QTMAN: variants seen among roughly 807,000 people sequenced by gnomAD.
The protein encoded by QTMAN is tRNA-queuosine alpha-mannosyltransferase.
At chr2:144,107,198 G>C in the QTMAN span, among the ~76,000 whole-genome samples, 1 of 152,004 alleles carries the variant, frequency 6.6e-6, no homozygotes, top group African/African-American at 2.4e-5. Flanking sequence ...TTAAAATAAC[G>C]AGAGAAGCAA....
At chr2:144,058,236 T>C in the QTMAN span, among the ~76,000 whole-genome samples, 7 of 151,548 alleles carry the variant, frequency 4.6e-5, no homozygotes, top group African/African-American at 1.7e-4. Flanking sequence ...CTGTCCAATC[T>C]TTCCTTGAAC....
chr2:144,296,589 T>C, the QTMAN span, among the ~76,000 whole-genome samples: 1 of 152,156 alleles, frequency 6.6e-6, no homozygotes, highest in African/African-American at 2.4e-5. Flanking sequence ...TCCAAAGAAA[T>C]AAATTCTAAC....
At chr2:144,242,531 C>A in the QTMAN span, among the ~76,000 whole-genome samples, 1 of 152,128 alleles carries the variant, frequency 6.6e-6, no homozygotes, top group Non-Finnish European at 1.5e-5. Context: ...AAACAGACTG[C>A]CAAATGTTTT....
chr2:144,218,370 A>G, the QTMAN span, among the ~76,000 whole-genome samples: 1 of 152,212 alleles, frequency 6.6e-6, no homozygotes, highest in Non-Finnish European at 1.5e-5. Flanking sequence ...GGAGTCTACA[A>G]GAATGTTTAA....
chr2:144,130,060 G>C, the QTMAN span, among the ~76,000 whole-genome samples: 3 of 142,794 alleles, frequency 2.1e-5, no homozygotes, highest in Non-Finnish European at 4.6e-5. Context: ...TTAATTTTTT[G>C]AATCTCATGA....
At chr2:144,129,299 G>C in the QTMAN span, among the ~76,000 whole-genome samples, 1 of 151,898 alleles carries the variant, frequency 6.6e-6, no homozygotes, top group Non-Finnish European at 1.5e-5. Context: ...GTACAGGCCA[G>C]ACTCATGAAC....
chr2:144,055,868 C>A, the QTMAN span, among the ~76,000 whole-genome samples: 2 of 152,060 alleles, frequency 1.3e-5, no homozygotes, highest in Admixed American at 6.6e-5. Context: ...GTTCATCAAG[C>A]GGCAAAGTGG....
At chr2:144,141,506 C>A in the QTMAN span, among the ~76,000 whole-genome samples, 2 of 150,012 alleles carry the variant, frequency 1.3e-5, no homozygotes, top group Non-Finnish European at 1.5e-5. Flanking sequence ...CTTATCTAGA[C>A]CAGTTCTTAT....
chr2:144,111,101 G>C, the QTMAN span, among the ~76,000 whole-genome samples: 1 of 152,106 alleles, frequency 6.6e-6, no homozygotes, highest in African/African-American at 2.4e-5. Flanking sequence ...ATTGATTCTT[G>C]GCATAAATTT....
chr2:144,088,033 TATG>T, the QTMAN span, among the ~76,000 whole-genome samples: 1 of 152,054 alleles, frequency 6.6e-6, no homozygotes, highest in East Asian at 1.9e-4. Flanking sequence ...TCTTTGCTGA[TATG>T]ATCTTATGTG....
At chr2:144,204,466 T>G in the QTMAN span, among the ~76,000 whole-genome samples, 1 of 152,122 alleles carries the variant, frequency 6.6e-6, no homozygotes, top group Non-Finnish European at 1.5e-5. Context: ...CCAGTTAGAA[T>G]GATGATCATT....
the QTMAN span, among the ~76,000 whole-genome samples, chr2:144,132,490 T>A: frequency 6.6e-6 from 1 of 152,108 alleles, no homozygotes; most frequent in Non-Finnish European, 1.5e-5. Flanking sequence ...AATCCACTCA[T>A]CATCATTCAT....
chr2:143,976,174 GTT>G, the QTMAN span, among the ~76,000 whole-genome samples: 2 of 151,432 alleles, frequency 1.3e-5, no homozygotes, highest in East Asian at 2.0e-4. Context: ...CTTTTAGGCA[GTT>G]TTTGACTTTT....
At chr2:144,003,102 C>T in the QTMAN span, among the ~76,000 whole-genome samples, 1 of 151,692 alleles carries the variant, frequency 6.6e-6, no homozygotes, top group Non-Finnish European at 1.5e-5. Flanking sequence ...ATTTTAAAGG[C>T]TATAATGTAG....
the QTMAN span, among the ~76,000 whole-genome samples, chr2:144,172,495 A>G: frequency 6.6e-6 from 1 of 151,938 alleles, no homozygotes; most frequent in Middle Eastern, 3.4e-3. Flanking sequence ...ATAGTGGCAC[A>G]CACCTATTAT....
At chr2:144,093,856 A>C in the QTMAN span, among the ~76,000 whole-genome samples, 1 of 152,044 alleles carries the variant, frequency 6.6e-6, no homozygotes, top group East Asian at 1.9e-4. Context: ...CACAACCTAC[A>C]CTCTACTAAT....
At chr2:144,104,374 T>C in the QTMAN span, among the ~76,000 whole-genome samples, 1 of 152,098 alleles carries the variant, frequency 6.6e-6, no homozygotes, top group Non-Finnish European at 1.5e-5. Context: ...GAAGCGGTGA[T>C]GGATGGCACC....
chr2:144,234,516 C>A, the QTMAN span, among the ~76,000 whole-genome samples: 4 of 152,116 alleles, frequency 2.6e-5, no homozygotes, highest in East Asian at 1.9e-4. Context: ...AGCTCAGCAT[C>A]ATCTAGAAGC....
the QTMAN span, chr2:144,005,849 T>G: frequency 6.6e-6 from 1 of 152,128 alleles, no homozygotes; most frequent in Non-Finnish European, 1.5e-5. Flanking sequence ...CATATTGCTG[T>G]TTTGTAAAAG....
Sources: allele counts gnomAD v4.1 joint callset (sites outside exome capture counted in the v4.1 genomes callset), GRCh38; gene constraint gnomAD v4.1.1; transcripts MANE v1.5; gene names NCBI Gene and HGNC (gene_info 2026-07-23, HGNC 2026-07-21).